Variants in NRXN1 observed in about 807,000 individuals in gnomAD.
NRXN1 encodes the protein neurexin 1, also known as neurexin-1.
In NRXN1, 39 loss-of-function variants were observed where a neutral mutation model predicts 150.9. That is an observed-to-expected ratio of 0.26 (90% CI 0.20 to 0.34). The LOEUF is 0.34. NRXN1 is among the 10% of genes least tolerant of loss of function. The pLI is 1.00. For missense variants in NRXN1, 1,815 were observed against 1,949.9 expected (o/e 0.93, Z 1.30); for synonymous variants, 924 against 757.0 (o/e 1.22, Z -3.62).
intron 5 of NRXN1, among the ~76,000 whole-genome samples, chr2:50,823,455 G>C (rs1007953934): frequency 2.6e-5 from 4 of 152,112 alleles, no homozygotes; most frequent in African/African-American, 9.6e-5. Context: ...TCAAATAATA[G>C]ATACTCCATA....
chr2:50,007,582 T>C (rs1323524887), intron 21 of NRXN1, among the ~76,000 whole-genome samples: 1 of 152,168 alleles, frequency 6.6e-6, no homozygotes, highest in Admixed American at 6.5e-5. Flanking sequence ...TATGGCTGCA[T>C]AGTATTCCCT....
chr2:50,694,227 T>C (rs1692486469), intron 5 of NRXN1, among the ~76,000 whole-genome samples: 1 of 152,166 alleles, frequency 6.6e-6, no homozygotes, highest in Non-Finnish European at 1.5e-5. Flanking sequence ...ACTTTGTAAA[T>C]TAATGGATTA....
At chr2:50,576,347 T>C (rs1347017351) in intron 8 of NRXN1, among the ~76,000 whole-genome samples, 1 of 152,156 alleles carries the variant, frequency 6.6e-6, no homozygotes, top group Non-Finnish European at 1.5e-5. Context: ...TAGATTTTTT[T>C]TGGCATTTTT....
chr2:50,019,641 C>CAAAAAAAAAAAAAAA (rs764073226), intron 21 of NRXN1, among the ~76,000 whole-genome samples: 1 of 25,554 alleles, frequency 3.9e-5, no homozygotes, highest in African/African-American at 2.0e-4. Flanking sequence ...GATTCCGTCT[C>CAAAAAAAAAAAAAAA]AAAAAAAAAA....
In NRXN1 at chr2:50,347,632, T is replaced by C; in HGVS notation, c.3365-110662A>G. The C allele has an allele frequency of 1.0e-6, 1 of 999,788 alleles. No individual in the cohort carries two copies. The highest frequency in any genetic ancestry group is 1.2e-6 in the Non-Finnish European group (1 of 838,886). The allele number at this position is 999,788 out of a possible 1,614,324, so 61.9% of individuals were successfully genotyped here. ...CTGACACTTACGCCCGGCGAGGGGT[T>C]CAGAGGGAAGAGTGCGCCCTTCTGA... is the stretch of plus-strand genomic sequence containing the variant. On this transcript the variant is annotated intron_variant, in intron 17 of 22. Transcript: ENST00000401669. The surrounding 1 kb of genome is among the most constrained non-coding windows in gnomAD (Gnocchi z 4.9).
intron 18 of NRXN1, among the ~76,000 whole-genome samples, chr2:50,184,732 A>ATTTTTTTTTTTTTTTTTTTTTTT (rs2060953350): frequency 6.6e-6 from 1 of 151,336 alleles, no homozygotes; most frequent in African/African-American, 2.5e-5. Context: ...CAATCTTTTA[A>ATTTTTTTTTTTTTTTTTTTTTTT]TTTAACAAAT....
intron 19 of NRXN1, among the ~76,000 whole-genome samples, chr2:50,078,534 T>G (rs1003587357): frequency 6.6e-6 from 1 of 151,886 alleles, no homozygotes; most frequent in Admixed American, 6.5e-5. Context: ...TTTACCAGTT[T>G]TCAACTAATG....
At chr2:50,519,928 A>C (rs985106350) in intron 12 of NRXN1, among the ~76,000 whole-genome samples, 10 of 152,060 alleles carry the variant, frequency 6.6e-5, no homozygotes, top group African/African-American at 2.4e-4. Context: ...TAAGAGAAAC[A>C]ATAGATTACA....
rs970737802 is a variant in NRXN1, at chr2:50,230,148, A to G, written c.3546+6641T>C. ...CCTAACTTCTTTCTGCTAGCTTAGG[A>G]GGTGAAAAGATCCAGGACCAACCCT... is the stretch of plus-strand genomic sequence containing the variant. On this transcript the variant is annotated intron_variant, in intron 18 of 22. Transcript: ENST00000401669. Among the ~76,000 whole-genome samples the G allele has an allele frequency of 3.3e-5, 5 of 152,058 alleles. No individual in the cohort carries two copies. In the East Asian group the frequency reaches 7.8e-4, roughly 24 times the overall value.
At chr2:50,733,797 A>G (rs1198068908) in intron 5 of NRXN1, among the ~76,000 whole-genome samples, 1 of 152,164 alleles carries the variant, frequency 6.6e-6, no homozygotes, top group Non-Finnish European at 1.5e-5. Context: ...ATGGTTTATA[A>G]AGATATTTCT....
Position 50,552,908 on chromosome 2 carries a change from C to A in NRXN1, c.1438G>T (p.Asp480Tyr). 1 of 1,613,944 alleles carries A rather than the reference C, an allele frequency of 6.2e-7. No homozygotes were observed. The highest frequency in any genetic ancestry group is 8.5e-7 in the Non-Finnish European group (1 of 1,179,844). Reference sequence around the variant, plus strand: ...TCTGGGGTTTCAAAGGTGATTGGGTCTAAAGTTGCAACATTCTCACATTTA... The same window carrying A: ...TCTGGGGTTTCAAAGGTGATTGGGTATAAAGTTGCAACATTCTCACATTTA... Reference protein sequence around the residue: ...AFKCENVATLDPITFETPESF... With the variant: ...AFKCENVATLYPITFETPESF... Residue 480 changes from aspartate to tyrosine, a missense_variant, in exon 9 of 23, where the codon GAC (aspartate) becomes TAC (tyrosine). Asp to Tyr is a radical substitution (Grantham distance 160). Around this residue, in one of 6 missense-constraint regions of NRXN1, gnomAD observed 638 missense variants for 652.6 expected, o/e 0.98. Transcript: ENST00000401669.
At chr2:50,548,873 A>G (rs1156599699) in intron 9 of NRXN1, among the ~76,000 whole-genome samples, 6 of 152,170 alleles carry the variant, frequency 3.9e-5, no homozygotes, top group African/African-American at 1.4e-4. Flanking sequence ...GGCCAACAGC[A>G]GAAAGAATTG....
intron 21 of NRXN1, among the ~76,000 whole-genome samples, chr2:49,959,364 T>TGCAGCCATGCAG (rs1266988398): frequency 1.3e-5 from 2 of 152,208 alleles, no homozygotes; most frequent in African/African-American, 4.8e-5. Context: ...TAGAACCTGA[T>TGCAGCCATGCAG]GCAGCCATGC....
At chr2:50,674,211 G>A (rs1042090104) in intron 5 of NRXN1, among the ~76,000 whole-genome samples, 2 of 152,112 alleles carry the variant, frequency 1.3e-5, no homozygotes, top group Admixed American at 6.6e-5. Context: ...GATATTGCCT[G>A]GAAGGGTAAA....
At chr2:50,467,710 G>C (rs1039528136) in intron 16 of NRXN1, among the ~76,000 whole-genome samples, 1 of 151,080 alleles carries the variant, frequency 6.6e-6, no homozygotes, top group Admixed American at 6.6e-5. Flanking sequence ...AAAAATAGTA[G>C]TTTATATAAG....
At chr2:50,579,470 C>T (rs1183026064) in intron 8 of NRXN1, among the ~76,000 whole-genome samples, 2 of 152,102 alleles carry the variant, frequency 1.3e-5, no homozygotes, top group African/African-American at 4.8e-5. Flanking sequence ...TCAGCCTGGG[C>T]AACACAGTCT....
intron 5 of NRXN1, among the ~76,000 whole-genome samples, chr2:50,774,595 AG>A (rs1447230650): frequency 6.6e-6 from 1 of 152,158 alleles, no homozygotes; most frequent in Non-Finnish European, 1.5e-5. Context: ...TTAAATATGA[AG>A]GGAACTGGTA....
At chr2:50,848,406 C>G (rs76216567) in intron 5 of NRXN1, among the ~76,000 whole-genome samples, 6,032 of 152,222 alleles carry the variant, frequency 0.04, 155 homozygotes, top group Admixed American at 0.066. Flanking sequence ...AAGTTATCAT[C>G]TAGTGTGTAC....
chr2:50,234,002 C>A (rs1318135113), intron 18 of NRXN1, among the ~76,000 whole-genome samples: 1 of 151,900 alleles, frequency 6.6e-6, no homozygotes, highest in Non-Finnish European at 1.5e-5. Context: ...TTCCTTTCTT[C>A]CCTCCCTTTC....
Sources: allele counts gnomAD v4.1 joint callset (sites outside exome capture counted in the v4.1 genomes callset), GRCh38; gene constraint gnomAD v4.1.1; regional missense constraint gnomAD v4.1.1; non-coding constraint Gnocchi (gnomAD v3.1); transcripts MANE v1.5; gene names NCBI Gene and HGNC (gene_info 2026-07-23, HGNC 2026-07-21).